SPAG16: variants seen among roughly 807,000 people sequenced by gnomAD.
The protein encoded by SPAG16 is sperm-associated antigen 16 protein.
A neutral mutation model predicts 80.4 loss-of-function variants in SPAG16; 86 were observed. That is an observed-to-expected ratio of 1.07 (90% confidence interval 0.90 to 1.28). The LOEUF is 1.28. Among genes scored for constraint, SPAG16 ranks in the 50% most tolerant of loss-of-function variants. SPAG16 has a pLI of 0.00. For synonymous variants in SPAG16, 294 were observed against 265.9 expected, an observed-to-expected ratio of 1.11 and a Z score of -1.03; for missense variants, 870 against 765.3, an observed-to-expected ratio of 1.14 and a Z score of -1.61.
intron 15 of SPAG16, among the ~76,000 whole-genome samples, chr2:214,189,831 A>G (rs767088232): frequency 2.0e-5 from 3 of 152,096 alleles, no homozygotes; most frequent in Non-Finnish European, 4.4e-5. Flanking sequence ...GTGCTTCTTT[A>G]CCAAAAACTG....
chr2:213,420,664 A>C (rs2069529073), intron 9 of SPAG16, among the ~76,000 whole-genome samples: 1 of 152,226 alleles, frequency 6.6e-6, no homozygotes, highest in South Asian at 2.1e-4. Context: ...TGTGTTATGT[A>C]AAATTCTTAT....
intron 11 of SPAG16, among the ~76,000 whole-genome samples, chr2:213,864,225 A>G (rs763431299): frequency 2.6e-5 from 4 of 152,120 alleles, no homozygotes; most frequent in African/African-American, 9.7e-5. Flanking sequence ...AAAAATATAT[A>G]TGTACCTACA....
intron 9 of SPAG16, among the ~76,000 whole-genome samples, chr2:213,453,222 T>G (rs2071805929): frequency 6.6e-6 from 1 of 152,208 alleles, no homozygotes. Flanking sequence ...CTCTGAGAGG[T>G]CTGATACTCT....
intron 11 of SPAG16, among the ~76,000 whole-genome samples, chr2:213,892,057 A>G (rs1156234815): frequency 3.3e-5 from 5 of 152,184 alleles, no homozygotes; most frequent in African/African-American, 1.2e-4. Context: ...GTAATCTGTA[A>G]TTTGGAGATG....
At chr2:213,396,579 C>T (rs2068043799) in intron 9 of SPAG16, 2 of 453,160 alleles carry the variant, frequency 4.4e-6, no homozygotes, top group Non-Finnish European at 8.9e-6. Context: ...AACTCCATGC[C>T]TCCATCAGCA....
At chr2:214,376,158 GAAAC>G (rs1700116974) in intron 15 of SPAG16, among the ~76,000 whole-genome samples, 1 of 151,962 alleles carries the variant, frequency 6.6e-6, no homozygotes, top group Admixed American at 6.6e-5. Context: ...AAATTGTTGA[GAAAC>G]AAAATAGAAG....
intron 10 of SPAG16, among the ~76,000 whole-genome samples, chr2:213,619,987 A>T (rs1440303956): frequency 1.3e-5 from 2 of 152,216 alleles, no homozygotes; most frequent in Admixed American, 1.3e-4. Flanking sequence ...AGACATAAAA[A>T]AGAATGGAAT....
intron 5 of SPAG16, among the ~76,000 whole-genome samples, chr2:213,337,695 A>G (rs1011861670): frequency 4.6e-5 from 7 of 152,146 alleles, no homozygotes; most frequent in Non-Finnish European, 1.0e-4. Context: ...AAAAGGAATG[A>G]AAAAAACCTC....
intron 15 of SPAG16, among the ~76,000 whole-genome samples, chr2:214,309,702 T>A (rs1218193348): frequency 2.0e-5 from 3 of 152,192 alleles, no homozygotes; most frequent in Admixed American, 2.0e-4. Context: ...TGTACTATAA[T>A]TCTGGGGGAC....
chr2:213,968,929 G>A (rs1052262384), intron 12 of SPAG16, among the ~76,000 whole-genome samples: 2 of 152,162 alleles, frequency 1.3e-5, no homozygotes, highest in Non-Finnish European at 2.9e-5. Context: ...CATCTTACTG[G>A]AGGAGGCAAA....
chr2:213,412,316 G>A (rs2069019965), intron 9 of SPAG16, among the ~76,000 whole-genome samples: 1 of 152,074 alleles, frequency 6.6e-6, no homozygotes, highest in South Asian at 2.1e-4. Flanking sequence ...CAGCAGCAGG[G>A]GCCACATGTG....
intron 12 of SPAG16, among the ~76,000 whole-genome samples, chr2:213,994,615 T>C (rs2046431866): frequency 6.6e-6 from 1 of 151,698 alleles, no homozygotes; most frequent in African/African-American, 2.4e-5. Flanking sequence ...GGGAAAATAA[T>C]TACTATTAAA....
At chr2:213,756,326 T>C (rs1193316969) in intron 10 of SPAG16, among the ~76,000 whole-genome samples, 1 of 151,860 alleles carries the variant, frequency 6.6e-6, no homozygotes, top group Non-Finnish European at 1.5e-5. Context: ...AAAAAATAAA[T>C]AAATAAATAA....
chr2:213,471,920 C>T (rs1431481577), intron 9 of SPAG16, among the ~76,000 whole-genome samples: 1 of 152,172 alleles, frequency 6.6e-6, no homozygotes, highest in Non-Finnish European at 1.5e-5. Context: ...CTTGAAAGAT[C>T]CCACACAACT....
chr2:213,430,669 TTGA>T (rs1180612217), intron 9 of SPAG16, among the ~76,000 whole-genome samples: 3 of 152,154 alleles, frequency 2.0e-5, no homozygotes, highest in South Asian at 4.1e-4. Context: ...AAGGAAGTAA[TTGA>T]TGAAAACTTC....
chr2:213,886,819 A>G (rs141323443), intron 11 of SPAG16, among the ~76,000 whole-genome samples: 73 of 152,284 alleles, frequency 4.8e-4, no homozygotes, highest in African/African-American at 1.4e-3. Context: ...AACTGTGGAT[A>G]AAGGACTCAT....
chr2:214,020,438 TTTTG>T (rs1017279307), intron 13 of SPAG16, among the ~76,000 whole-genome samples: 6 of 152,192 alleles, frequency 3.9e-5, no homozygotes, highest in Non-Finnish European at 7.3e-5. Context: ...TAGCCTCTAA[TTTTG>T]TTTGTTTCTG....
At chr2:213,917,426 T>A (rs2106193705) in intron 11 of SPAG16, among the ~76,000 whole-genome samples, 1 of 152,358 alleles carries the variant, frequency 6.6e-6, no homozygotes, top group African/African-American at 2.4e-5. Context: ...TTTTTCCAGT[T>A]GTCTGTGTCA....
intron 15 of SPAG16, among the ~76,000 whole-genome samples, chr2:214,383,890 A>G (rs1700602609): frequency 6.8e-6 from 1 of 147,176 alleles, no homozygotes; most frequent in Non-Finnish European, 1.5e-5. Context: ...ACCAGAGCAG[A>G]GGCTGTTGCA....
Sources: allele counts gnomAD v4.1 joint callset (sites outside exome capture counted in the v4.1 genomes callset), GRCh38; gene constraint gnomAD v4.1.1; transcripts MANE v1.5; gene names NCBI Gene and HGNC (gene_info 2026-07-23, HGNC 2026-07-21).